The following PGR variants were observed in gnomAD, a reference collection of about 807,000 sequenced individuals.
PGR encodes progesterone receptor, also known as nuclear receptor subfamily 3 group C member 3.
PGR carries 25 observed loss-of-function variants against 76.1 expected under a neutral mutation model. The ratio of observed to expected loss-of-function variants is 0.33; its 90% CI spans 0.24 to 0.46. PGR has a LOEUF of 0.46. Among genes scored for constraint, PGR ranks in the 20% least tolerant of loss-of-function variants. The pLI, the probability that PGR is intolerant of heterozygous loss-of-function variation, is 1.00. For missense variants in PGR, 1,172 were observed against 1,225.3 expected (o/e 0.96, Z 0.65); for synonymous variants, 579 against 535.0 (o/e 1.08, Z -1.14).
chr11:101,128,939 G>A lies in PGR; in HGVS notation c.132C>T (p.Thr44=), dbSNP rs1863002478. The A allele has an allele frequency of 6.2e-7, 1 of 1,611,222 alleles. No individual in the cohort carries two copies. The highest frequency in any genetic ancestry group is 1.1e-5 in the South Asian group (1 of 91,008). Residue 44 remains threonine (T), a synonymous_variant, in exon 1 of 8, where the codon ACC becomes ACT. Coordinates refer to ENST00000325455, the MANE Select transcript of PGR (RefSeq NM_000926.4). ...TAGGTATGGCCGAAACTTCAGGCAA[G>A]GTGTCCGAGGTCTGGCTCCCCGGGA... ...GPFPGSQTSD[T]LPEVSAIPIS...
At chr11:101,054,058 G>A (rs1265293166) in intron 4 of PGR, among the ~76,000 whole-genome samples, 1 of 152,186 alleles carries the variant, frequency 6.6e-6, no homozygotes, top group East Asian at 1.9e-4. Context: ...TCCAGATAAT[G>A]AGAACCAATG....
chr11:101,106,386 A>T (rs1275590337), intron 2 of PGR, among the ~76,000 whole-genome samples: 1 of 152,214 alleles, frequency 6.6e-6, no homozygotes, highest in East Asian at 1.9e-4. Flanking sequence ...AGGAAAAAAC[A>T]ACCTCATAAA....
At chr11:101,114,833 A>G in intron 2 of PGR, among the ~76,000 whole-genome samples, 1 of 152,132 alleles carries the variant, frequency 6.6e-6, no homozygotes, top group East Asian at 1.9e-4. Flanking sequence ...CCTTTCTGAC[A>G]TTAATCTTTC....
chr11:101,092,217 A>AG (rs1861697259), intron 2 of PGR, among the ~76,000 whole-genome samples: 1 of 152,236 alleles, frequency 6.6e-6, no homozygotes, highest in African/African-American at 2.4e-5. Flanking sequence ...GATAAGCATT[A>AG]GTTGTACCAG....
intron 2 of PGR, among the ~76,000 whole-genome samples, chr11:101,103,708 GTTTTA>G: frequency 6.6e-6 from 1 of 152,258 alleles, no homozygotes; most frequent in East Asian, 1.9e-4. Context: ...TAGTTAACCA[GTTTTA>G]TTAATCCTAC....
chr11:101,060,885 A>G (rs1860468465), intron 4 of PGR, among the ~76,000 whole-genome samples: 1 of 152,184 alleles, frequency 6.6e-6, no homozygotes, highest in African/African-American at 2.4e-5. Flanking sequence ...GTGGGGGTCA[A>G]AAAGTCCTGA....
intron 2 of PGR, among the ~76,000 whole-genome samples, chr11:101,095,043 G>A (rs1279628557): frequency 6.6e-6 from 1 of 152,092 alleles, no homozygotes; most frequent in African/African-American, 2.4e-5. Flanking sequence ...AGAACCATCA[G>A]AAAATATTTC....
At chr11:101,078,261 T>G (rs1380309357) in intron 3 of PGR, among the ~76,000 whole-genome samples, 1 of 152,076 alleles carries the variant, frequency 6.6e-6, no homozygotes, top group Non-Finnish European at 1.5e-5. Flanking sequence ...AAGATAAGGC[T>G]TGCTACCAAA....
chr11:101,055,998 TG>T (rs1565335400), intron 4 of PGR, among the ~76,000 whole-genome samples: 1 of 152,204 alleles, frequency 6.6e-6, no homozygotes, highest in East Asian at 1.9e-4. Flanking sequence ...TGCTTATCTG[TG>T]ATAAATGTAC....
In PGR at chr11:101,035,233, T is replaced by C. The variant is rs987959810; in HGVS notation, c.*3883A>G. The C allele has an allele frequency of 1.3e-5, 3 of 223,186 alleles. No homozygotes were observed. The highest frequency in any genetic ancestry group is 6.7e-5 in the African/African-American group (3 of 44,794). The allele number at this position is 223,186 out of a possible 1,614,324, so 13.8% of individuals were successfully genotyped here. A position where few individuals can be genotyped will look rare whatever the true frequency, so the allele number is the denominator to read the frequency against. ...ATACAAAAATAGAGTATCTTTAAAT[T>C]TGAAAAAAAATGTATGTTTTGGCAA... On this transcript the variant is annotated 3_prime_UTR_variant, in exon 8 of 8. Transcript: ENST00000325455.
intron 3 of PGR, among the ~76,000 whole-genome samples, chr11:101,070,439 A>T (rs1166919165): frequency 6.6e-6 from 1 of 152,018 alleles, no homozygotes; most frequent in Non-Finnish European, 1.5e-5. Flanking sequence ...GTTTTTTTTC[A>T]TACCCCAGTG....
At chr11:101,068,103 T>C (rs961062606) in intron 3 of PGR, among the ~76,000 whole-genome samples, 3 of 152,208 alleles carry the variant, frequency 2.0e-5, no homozygotes, top group African/African-American at 7.2e-5. Flanking sequence ...GTTAATCATA[T>C]TGTTTCTATA....
chr11:101,093,787 C>T (rs1020472704), intron 2 of PGR, among the ~76,000 whole-genome samples: 1 of 152,190 alleles, frequency 6.6e-6, no homozygotes, highest in African/African-American at 2.4e-5. Flanking sequence ...AAACAGACTT[C>T]GAGAAATAGA....
At chr11:101,062,852 AT>A in intron 3 of PGR, 100 bp from the exon 4 acceptor site, 1 of 726,160 alleles carries the variant, frequency 1.4e-6, no homozygotes, top group Non-Finnish European at 2.2e-6. Flanking sequence ...AGCATTATGC[AT>A]TTTAGCATCA....
At chr11:101,060,430 GTATAAT>G (rs1860450894) in intron 4 of PGR, among the ~76,000 whole-genome samples, 1 of 152,156 alleles carries the variant, frequency 6.6e-6, no homozygotes, top group Admixed American at 6.5e-5. Context: ...CTAAACCACT[GTATAAT>G]TATTAGATAT....
Position 101,127,493 on chromosome 11 carries a change from C to A in PGR, c.1578G>T (p.Gln526His). The change falls in exon 1 of 8, where the codon CAG becomes CAT. Residue 526 changes from glutamine (Q) to histidine (H), a missense_variant. Physicochemically the swap from Gln to His is conservative, Grantham distance 24. Around this residue, in one of 4 missense-constraint regions of PGR, gnomAD observed 893 missense variants for 785.9 expected, o/e 1.14. Transcript: ENST00000325455. ...GLNGLPQLGYQAAVLKEGLPQ... is the reference protein window; with the variant it reads ...GLNGLPQLGYHAAVLKEGLPQ... The stretch of plus-strand genomic sequence containing the variant: ...GCAGGCCCTCCTTGAGCACGGCGGC[C>A]TGGTAGCCGAGCTGCGGGAGCCCGT... 1 of 1,552,940 alleles carries A rather than the reference C, an allele frequency of 6.4e-7. No homozygotes were observed. The highest frequency in any genetic ancestry group is 8.7e-7 in the Non-Finnish European group (1 of 1,153,654).
intron 4 of PGR, among the ~76,000 whole-genome samples, chr11:101,052,267 ATCTGTGTGTG>A (rs1190269181): frequency 1.7e-5 from 2 of 118,946 alleles, no homozygotes; most frequent in African/African-American, 6.8e-5. Flanking sequence ...GAGATTTAGA[ATCTGTGTGTG>A]TGTGTGTGTG....
At chr11:101,073,721 G>A (rs2135428204) in intron 3 of PGR, among the ~76,000 whole-genome samples, 1 of 152,192 alleles carries the variant, frequency 6.6e-6, no homozygotes, top group South Asian at 2.1e-4. Context: ...AAATAAACTA[G>A]AAAATCTAGA....
intron 7 of PGR, 70 bp downstream of exon 7, chr11:101,041,875 T>A: frequency 7.4e-7 from 1 of 1,348,362 alleles, no homozygotes; most frequent in Admixed American, 1.7e-5. Context: ...AAAATTTACA[T>A]GTAACATTTA....
Sources: gnomAD v4.1 joint callset for allele counts (sites outside exome capture counted in the v4.1 genomes callset) on GRCh38, gnomAD v4.1.1 for gene constraint, gnomAD v4.1.1 regional missense constraint, MANE v1.5 for transcripts, NCBI Gene and HGNC (gene_info 2026-07-23, HGNC 2026-07-21) for gene names.